PTPRD: variants seen among roughly 807,000 people sequenced by gnomAD.
PTPRD encodes receptor-type tyrosine-protein phosphatase delta.
PTPRD carries 34 observed loss-of-function variants against 214.5 expected under a neutral mutation model. The observed-to-expected ratio is 0.16, with a 90% CI of 0.12 to 0.21. PTPRD has a LOEUF of 0.21. PTPRD is among the 10% of genes least tolerant of loss of function. The probability of loss-of-function intolerance (pLI) is 1.00; values close to 1 mark genes in which losing one functional copy is unlikely to be tolerated. For missense variants in PTPRD, 2,545 were observed against 2,398.7 expected (o/e 1.06, Z -1.27); for synonymous variants, 1,128 against 845.7 (o/e 1.33, Z -5.79).
At chr9:10,158,180 T>C (rs2154286087) in intron 3 of PTPRD, among the ~76,000 whole-genome samples, 1 of 152,244 alleles carries the variant, frequency 6.6e-6, no homozygotes, top group East Asian at 1.9e-4. Context: ...ACTAATTTTT[T>C]GTGTTTTTAG....
intron 3 of PTPRD, among the ~76,000 whole-genome samples, chr9:10,219,957 A>G (rs1204080224): frequency 6.6e-6 from 1 of 151,854 alleles, no homozygotes; most frequent in Admixed American, 6.6e-5. Context: ...TAGGAGTATG[A>G]TCTATGATTT....
At chr9:9,118,403 A>G (rs2099814363) in intron 10 of PTPRD, among the ~76,000 whole-genome samples, 1 of 152,102 alleles carries the variant, frequency 6.6e-6, no homozygotes. Flanking sequence ...TGGGAATAGA[A>G]AAATCCTGCC....
chr9:9,104,832 C>T (rs552233039), intron 10 of PTPRD, among the ~76,000 whole-genome samples: 1 of 152,076 alleles, frequency 6.6e-6, no homozygotes, highest in Non-Finnish European at 1.5e-5. Flanking sequence ...CAGGGGAGTT[C>T]GACGTGATTC....
intron 4 of PTPRD, among the ~76,000 whole-genome samples, chr9:10,007,476 T>G (rs1453075251): frequency 1.3e-5 from 2 of 152,038 alleles, no homozygotes; most frequent in African/African-American, 4.8e-5. Flanking sequence ...TTACTTGTCC[T>G]TGGGGGCCAG....
chr9:9,951,973 C>T (rs2093494201), intron 4 of PTPRD, among the ~76,000 whole-genome samples: 1 of 152,172 alleles, frequency 6.6e-6, no homozygotes, highest in Non-Finnish European at 1.5e-5. Flanking sequence ...ATGTTGGAAT[C>T]ACCCCCTTGA....
intron 8 of PTPRD, among the ~76,000 whole-genome samples, chr9:9,429,078 A>G (rs1276133597): frequency 6.6e-6 from 1 of 152,172 alleles, no homozygotes; most frequent in Non-Finnish European, 1.5e-5. Context: ...GGAAAAAGAG[A>G]CACAAAAAAC....
chr9:10,008,280 C>G (rs1333773190), intron 4 of PTPRD, among the ~76,000 whole-genome samples: 2 of 151,884 alleles, frequency 1.3e-5, no homozygotes, highest in Non-Finnish European at 2.9e-5. Context: ...TGAACCAAAA[C>G]CAGCCCTCTC....
At chr9:8,445,040 A>G (rs1429208614) in intron 34 of PTPRD, among the ~76,000 whole-genome samples, 1 of 152,190 alleles carries the variant, frequency 6.6e-6, no homozygotes, top group Non-Finnish European at 1.5e-5. Context: ...TCAGCAGTTA[A>G]TAATTCCAGT....
chr9:10,607,805 C>T (rs2079858233), intron 2 of PTPRD, among the ~76,000 whole-genome samples: 1 of 151,758 alleles, frequency 6.6e-6, no homozygotes, highest in African/African-American at 2.4e-5. Flanking sequence ...TATATTCCTT[C>T]TTTGTATTCA....
intron 11 of PTPRD, among the ~76,000 whole-genome samples, chr9:8,976,456 G>C (rs571970262): frequency 1.3e-5 from 2 of 152,116 alleles, no homozygotes; most frequent in African/African-American, 2.4e-5. Context: ...ATAATAATTA[G>C]AAGTCCATTT....
intron 8 of PTPRD, among the ~76,000 whole-genome samples, chr9:9,459,184 C>A (rs1285751598): frequency 1.3e-5 from 2 of 151,918 alleles, no homozygotes; most frequent in Admixed American, 6.6e-5. Context: ...ATCACTACAG[C>A]AAAGCAGTAT....
At chr9:10,354,930 C>T (rs2154461177) in intron 2 of PTPRD, among the ~76,000 whole-genome samples, 1 of 152,224 alleles carries the variant, frequency 6.6e-6, no homozygotes, top group African/African-American at 2.4e-5. Context: ...TCCCATTGTC[C>T]TTGATGAAAA....
In PTPRD at chr9:8,984,665, A is replaced by C. The variant is rs117109690; in HGVS notation, c.-104+34032T>G. On this transcript the variant is annotated intron_variant, in intron 11 of 45. Coordinates refer to ENST00000381196, the MANE Select transcript of PTPRD (RefSeq NM_002839.4). The stretch of plus-strand genomic sequence containing the variant: ...CAGTCAGTTGGCAAGTTAACCTCTC[A>C]CTCTTGTCACAGAAGTCATCTGCAG... 2.0e-5 allele frequency among the ~76,000 whole-genome samples: 3 copies of C among 151,816 alleles called. No individual in the cohort carries two copies. In the East Asian group the frequency reaches 5.8e-4, roughly 30 times the overall value.
At chr9:10,144,051 A>G (rs1349646834) in intron 3 of PTPRD, among the ~76,000 whole-genome samples, 1 of 152,140 alleles carries the variant, frequency 6.6e-6, no homozygotes, top group African/African-American at 2.4e-5. Context: ...TCTGATTCTA[A>G]AGTTGAAAAA....
intron 9 of PTPRD, among the ~76,000 whole-genome samples, chr9:9,321,620 C>T (rs950222562): frequency 6.6e-6 from 1 of 150,744 alleles, no homozygotes; most frequent in African/African-American, 2.4e-5. Context: ...TTCCATAAAA[C>T]ACATTCTAAG....
At chr9:8,623,202 A>T (rs1564788953) in intron 14 of PTPRD, among the ~76,000 whole-genome samples, 1 of 151,924 alleles carries the variant, frequency 6.6e-6, no homozygotes, top group Admixed American at 6.6e-5. Context: ...CACTGTGCTT[A>T]CTGCCATGTG....
chr9:10,102,560 TACTC>T (rs2098563537), intron 3 of PTPRD, among the ~76,000 whole-genome samples: 1 of 151,576 alleles, frequency 6.6e-6, no homozygotes, highest in African/African-American at 2.4e-5. Context: ...ATTAATAAAA[TACTC>T]ATAAATAAAA....
intron 2 of PTPRD, among the ~76,000 whole-genome samples, chr9:10,429,754 G>C (rs551372017): frequency 1.1e-4 from 16 of 150,734 alleles, no homozygotes; most frequent in African/African-American, 3.7e-4. Context: ...GAGTGGAAGG[G>C]GGGAGGATGA....
At chr9:8,804,558 A>G (rs1051866368) in intron 11 of PTPRD, among the ~76,000 whole-genome samples, 1 of 152,172 alleles carries the variant, frequency 6.6e-6, no homozygotes, top group East Asian at 1.9e-4. Flanking sequence ...GATCACGCCA[A>G]TGCACTGCAG....
Sources: gnomAD v4.1 joint callset for allele counts (sites outside exome capture counted in the v4.1 genomes callset) on GRCh38, gnomAD v4.1.1 for gene constraint, MANE v1.5 for transcripts, NCBI Gene and HGNC (gene_info 2026-07-23, HGNC 2026-07-21) for gene names.